The following FLII variants were observed in gnomAD, a reference collection of about 807,000 sequenced individuals.
The protein encoded by FLII is protein flightless-1 homolog.
A neutral mutation model predicts 156.2 loss-of-function variants in FLII; 101 were observed. That is an observed-to-expected ratio of 0.65 (90% CI 0.55 to 0.76). FLII has a LOEUF of 0.76. FLII is among the 30% of genes least tolerant of loss of function. The pLI is 0.00. For synonymous variants in FLII, 767 were observed against 685.8 expected (o/e 1.12, Z -1.85); for missense variants, 1,675 against 1,682.8 (o/e 1.00, Z 0.08).
Position 18,251,783 on chromosome 17 carries a change from T to G in FLII, c.1280A>C (p.Lys427Thr). The stretch of plus-strand genomic sequence containing the variant: ...ATCCTTGCGCCTCCGCAGTCGCATC[T>G]TGCGAGCCATAGGGTCCTTGGGCCC... Reference protein sequence around the residue: ...GSGPKDPMARKMRLRRRKDSA... With the variant: ...GSGPKDPMARTMRLRRRKDSA... The change falls in exon 12 of 30, where the codon AAG becomes ACG. Residue 427 changes from lysine (K) to threonine (T), a missense_variant. By Grantham distance (78) the Lys-to-Thr change is moderately conservative. Coordinates refer to ENST00000327031, the MANE Select transcript of FLII (RefSeq NM_002018.4). The G allele has an allele frequency of 5.0e-6, 8 of 1,613,786 alleles. No homozygotes were observed. The highest frequency in any genetic ancestry group is 6.8e-6 in the Non-Finnish European group (8 of 1,180,028).
intron 21 of FLII, 30 bp downstream of exon 21, chr17:18,247,139 C>CCA (rs2048097688): frequency 6.1e-6 from 8 of 1,305,614 alleles, no homozygotes; most frequent in Non-Finnish European, 7.2e-6. Context: ...CACCCCCCCC[C>CCA]CCGCGCCCCG....
Position 18,246,075 on chromosome 17 carries a change from C to CA in FLII, c.3268-14dup, listed in dbSNP as rs1272495928. ...TCTCAAAGGGAACCTGGGGAGTGTG[C>CA]AGGGGTGGGGGTGTTCGCAGCTGAC... is the stretch of plus-strand genomic sequence containing the variant. On this transcript the variant is annotated splice_polypyrimidine_tract_variant and intron_variant, in intron 25 of 29. Transcript: ENST00000327031. 3.1e-6 allele frequency: 5 copies of CA among 1,614,122 alleles called. No individual in the cohort carries two copies. The highest frequency in any genetic ancestry group is 4.2e-6 in the Non-Finnish European group (5 of 1,180,020).
At position 18,253,344 on chromosome 17, in the gene FLII, C is replaced by A. The variant is rs1272278066; in HGVS notation, c.970G>T (p.Ala324Ser). The A allele has an allele frequency of 3.7e-6, 6 of 1,613,946 alleles. No individual in the cohort carries two copies. The highest frequency in any genetic ancestry group is 5.1e-6 in the Non-Finnish European group (6 of 1,180,022). ...ACCAGCTCCAGGTTGTTGTTGGCAG[C>A]CATGAACTCTTCCAGGTTGGTGAGC... ...GKLTNLEEFM[A>S]ANNNLELVPE... Residue 324 changes from alanine (A) to serine (S), a missense_variant, in exon 9 of 30, where the codon GCT (alanine) becomes TCT (serine). By Grantham distance (99) the Ala-to-Ser change is moderately conservative. Transcript: ENST00000327031.
rs548815713 is a variant in FLII, at chr17:18,251,123, C to G, written c.1597-106G>C. The G allele has an allele frequency of 3.5e-6, 5 of 1,420,310 alleles. No individual in the cohort carries two copies. The East Asian group carries it at 7.4e-5, about 21-fold the overall frequency. The allele number at this position is 1,420,310 out of a possible 1,614,324, so 88.0% of individuals were successfully genotyped here. On this transcript the variant is annotated intron_variant, in intron 13 of 29. Transcript: ENST00000327031. The stretch of plus-strand genomic sequence containing the variant: ...GCTTCCCAGCCCCAGGGGCTTTGTA[C>G]TGCCCCTGTGCCTGGACCACCTCCT...
chr17:18,248,875 A>G lies in FLII; in HGVS notation c.1943T>C (p.Phe648Ser). 6.2e-7 allele frequency: 1 copy of G among 1,613,808 alleles called. No homozygotes were observed. The highest frequency in any genetic ancestry group is 2.2e-5 in the East Asian group (1 of 44,868). Residue 648 changes from phenylalanine to serine, a missense_variant, in exon 17 of 30, where the codon TTC becomes TCC. By Grantham distance (155) the Phe-to-Ser change is radical (BLOSUM62 -2). Around this residue, in one of 2 missense-constraint regions of FLII, gnomAD observed 1,332 missense variants for 1,269.3 expected, o/e 1.05. Transcript: ENST00000327031. The part of the protein sequence containing the change: ...KGTSLDPRFV[F>S]LLDRGLDIYV... ...GATGTCTAGCCCTCGGTCCAGCAGGAAAACAAACCTGGACAAGAAGGGGCA... is the reference window on the plus strand; with the variant it reads ...GATGTCTAGCCCTCGGTCCAGCAGGGAAACAAACCTGGACAAGAAGGGGCA...
intron 9 of FLII, 121 bp from the exon 10 acceptor site, chr17:18,252,677 A>T (rs2048307010): frequency 1.3e-6 from 1 of 741,662 alleles, no homozygotes; most frequent in Admixed American, 2.1e-5. Flanking sequence ...GGGGGTCTCC[A>T]TTCTCTGCCT....
At position 18,247,846 on chromosome 17, in the gene FLII, C is replaced by T; in HGVS notation, c.2298G>A (p.Leu766=). The change falls in exon 20 of 30, where the codon CTG becomes CTA. Residue 766 remains leucine, a splice_region_variant and synonymous_variant. Coordinates refer to ENST00000327031, the MANE Select transcript of FLII (RefSeq NM_002018.4). ...CGCAGCGCGTGTCCAGCAGACTCTGCAGCTGCGGACCGGGAGTCTGGAGGT... is the reference window on the plus strand; with the variant it reads ...CGCAGCGCGTGTCCAGCAGACTCTGTAGCTGCGGACCGGGAGTCTGGAGGT... ...KVELMPRMRL[L]QSLLDTRCVY... The T allele has an allele frequency of 6.2e-7, 1 of 1,613,872 alleles. No individual in the cohort carries two copies. The highest frequency in any genetic ancestry group is 1.1e-5 in the South Asian group (1 of 91,082).
chr17:18,254,438 G>A, intron 6 of FLII, 83 bp downstream of exon 6: 1 of 1,394,946 alleles, frequency 7.2e-7, no homozygotes, highest in Admixed American at 2.3e-5. Context: ...AAGGGAGAAG[G>A]GTTAGGGCCC....
At chr17:18,248,444 C>G in intron 18 of FLII, 106 bp downstream of exon 18, 3 of 1,103,398 alleles carry the variant, frequency 2.7e-6, no homozygotes, top group Middle Eastern at 2.9e-4. Context: ...CTCTCCCCAC[C>G]AAAGTCGAGA....
Position 18,244,955 on chromosome 17 carries a change from T to G in FLII, c.*183A>C. 1.5e-6 allele frequency: 1 copy of G among 672,318 alleles called. No individual in the cohort carries two copies. The highest frequency in any genetic ancestry group is 2.0e-5 in the South Asian group (1 of 50,520). The allele number at this position is 672,318 out of a possible 1,614,324, so 41.6% of individuals were successfully genotyped here. On this transcript the variant is annotated 3_prime_UTR_variant, in exon 30 of 30. Coordinates refer to ENST00000327031, the MANE Select transcript of FLII (RefSeq NM_002018.4). ...CACTCACACTGTGGAGAGAGTTGGA[T>G]TTCCCAGACCCCTGAGGGCACCTGT...
Position 18,249,396 on chromosome 17 carries a change from C to T in FLII, c.1789G>A (p.Asp597Asn), listed in dbSNP as rs142586846. The T allele has an allele frequency of 1.3e-5, 21 of 1,613,848 alleles. No individual in the cohort carries two copies. Among genetic ancestry groups the T allele is most frequent in the Non-Finnish European group, 1.7e-5 (20 of 1,179,894 alleles). ...SEEFLQVFDN[D>N]ISYIEGGTAS... ...GTTCCACCCTCAATGTAGGAGATGT[C>T]GTTGTCAAACACCTGTGTGTGTGAG... Residue 597 changes from aspartate (D) to asparagine (N), a missense_variant, in exon 15 of 30, where the codon GAC (aspartate) becomes AAC (asparagine). Transcript: ENST00000327031.
intron 18 of FLII, among the ~76,000 whole-genome samples, chr17:18,248,245 A>G (rs1002301065): frequency 5.3e-5 from 8 of 152,008 alleles, no homozygotes; most frequent in Admixed American, 6.6e-5. Context: ...CCTTCATGCC[A>G]TTTCTAATTA....
Position 18,248,874 on chromosome 17 carries a change from G to A in FLII, c.1944C>T (p.Phe648=), listed in dbSNP as rs201823377. The A allele has an allele frequency of 1.2e-6, 2 of 1,613,816 alleles. No individual in the cohort carries two copies. The highest frequency in any genetic ancestry group is 4.5e-5 in the East Asian group (2 of 44,872). ...AGATGTCTAGCCCTCGGTCCAGCAG[G>A]AAAACAAACCTGGACAAGAAGGGGC... ...KGTSLDPRFV[F]LLDRGLDIYV... Residue 648 remains phenylalanine (F), a synonymous_variant, in exon 17 of 30, where the codon TTC becomes TTT. Coordinates refer to ENST00000327031, the MANE Select transcript of FLII (RefSeq NM_002018.4).
Position 18,247,813 on chromosome 17 carries a change from A to G in FLII, c.2331T>C (p.Ile777=), listed in dbSNP as rs1196093574. ...TGAACACGTCGGACCAACAGTCCAG[A>G]ATGTACACGCAGCGCGTGTCCAGCA... ...QSLLDTRCVY[I]LDCWSDVFIW... is the part of the protein sequence containing the mutation. The change falls in exon 20 of 30, where the codon ATT becomes ATC. Residue 777 remains isoleucine (I), a synonymous_variant. Transcript: ENST00000327031. 3 of 1,613,244 alleles carry G rather than the reference A, an allele frequency of 1.9e-6. No homozygotes were observed. The highest frequency in any genetic ancestry group is 1.3e-5 in the African/African-American group (1 of 74,950).
At chr17:18,246,507 T>G (rs904408485) in intron 23 of FLII, 45 bp from the exon 24 acceptor site, 4 of 1,612,622 alleles carry the variant, frequency 2.5e-6, no homozygotes, top group Non-Finnish European at 3.4e-6. Flanking sequence ...GACCCCCACC[T>G]GCCCCTCGGG....
At chr17:18,254,221 C>G (rs769008756) in intron 6 of FLII, 39 bp from the exon 7 acceptor site, 1 of 1,517,028 alleles carries the variant, frequency 6.6e-7, no homozygotes, top group South Asian at 1.2e-5. Context: ...CAGGGCCCAC[C>G]TAGGGAGTGT....
chr17:18,248,454 A>G (rs1488894129), intron 18 of FLII, 96 bp downstream of exon 18: 3 of 1,220,904 alleles, frequency 2.5e-6, no homozygotes, highest in Non-Finnish European at 3.4e-6. Flanking sequence ...CAAAGTCGAG[A>G]TGGAGCCCAA....
chr17:18,245,563 C>T lies in FLII; in HGVS notation c.3601G>A (p.Gly1201Ser). 2 of 1,613,780 alleles carry T rather than the reference C, an allele frequency of 1.2e-6. No individual in the cohort carries two copies. The highest frequency in any genetic ancestry group is 1.7e-6 in the Non-Finnish European group (2 of 1,179,910). Residue 1201 changes from glycine (G) to serine (S), a missense_variant, in exon 28 of 30, where the codon GGC (glycine) becomes AGC (serine). Transcript: ENST00000327031. ...ADDDIMLLDN[G>S]QEVYMWVGTQ... is the part of the protein sequence containing the mutation. ...TAGTGGCAACATCACACCTCTTGGC[C>T]ATTGTCTAGCAACATGATGTCATCA... is the stretch of plus-strand genomic sequence containing the variant.
chr17:18,247,995 G>T lies in FLII; in HGVS notation c.2229C>A (p.Ile743=). 2 of 1,614,004 alleles carry T rather than the reference G, an allele frequency of 1.2e-6. No individual in the cohort carries two copies. The highest frequency in any genetic ancestry group is 1.7e-6 in the Non-Finnish European group (2 of 1,179,950). The change falls in exon 19 of 30, where the codon ATC becomes ATA. Residue 743 remains isoleucine (I), a synonymous_variant. Coordinates refer to ENST00000327031, the MANE Select transcript of FLII (RefSeq NM_002018.4). ...TATGTTCCACGGAGAGCTTGTAGTTGATCTGTGGCAGCTCCAGGTAGCCCA... is the reference window on the plus strand; with the variant it reads ...TATGTTCCACGGAGAGCTTGTAGTTTATCTGTGGCAGCTCCAGGTAGCCCA... ...LGLGYLELPQ[I]NYKLSVEHKQ...
Sources: allele counts gnomAD v4.1 joint callset (sites outside exome capture counted in the v4.1 genomes callset), GRCh38; gene constraint gnomAD v4.1.1; regional missense constraint gnomAD v4.1.1; transcripts MANE v1.5; gene names NCBI Gene and HGNC (gene_info 2026-07-23, HGNC 2026-07-21).